The following ZFYVE9 variants were observed in gnomAD, a reference collection of about 807,000 sequenced individuals.
The protein encoded by ZFYVE9 is zinc finger FYVE-type containing 9, also known as zinc finger FYVE domain-containing protein 9.
A neutral mutation model predicts 126.7 loss-of-function variants in ZFYVE9; 43 were observed. That is an observed-to-expected ratio of 0.34 (90% CI 0.27 to 0.44). ZFYVE9 has a LOEUF of 0.44. Among genes scored for constraint, ZFYVE9 ranks in the 20% least tolerant of loss-of-function variants. The pLI, the probability that ZFYVE9 is intolerant of heterozygous loss-of-function variation, is 1.00. For missense variants in ZFYVE9, 1,476 were observed against 1,697.0 expected, an observed-to-expected ratio of 0.87 and a Z score of 2.29; for synonymous variants, 521 against 597.4, an observed-to-expected ratio of 0.87 and a Z score of 1.87.
chr1:52,201,465 C>T (rs1185414912), intron 1 of ZFYVE9, among the ~76,000 whole-genome samples: 1 of 150,852 alleles, frequency 6.6e-6, no homozygotes, highest in African/African-American at 2.4e-5. Flanking sequence ...CAAGCTCTGC[C>T]CCCTGGGTTC....
Position 52,337,801 on chromosome 1 carries a change from A to C in ZFYVE9, c.3700A>C (p.Asn1234His), listed in dbSNP as rs376782218. The C allele has an allele frequency of 6.2e-7, 1 of 1,614,096 alleles. No homozygotes were observed. The highest frequency in any genetic ancestry group is 8.5e-7 in the Non-Finnish European group (1 of 1,180,030). ...DGVMVQITAE[N>H]MDSLRQALRE... is the part of the protein sequence containing the mutation. ...TGTTATGGTCCAGATTACTGCAGAGAACATGGATTCCTTGAGGCAGGCACT... is the reference window on the plus strand; with the variant it reads ...TGTTATGGTCCAGATTACTGCAGAGCACATGGATTCCTTGAGGCAGGCACT... The change falls in exon 16 of 19, where the codon AAC (asparagine) becomes CAC (histidine). Residue 1234 changes from asparagine to histidine, a missense_variant. This residue lies in a region of ZFYVE9 where 669 missense variants were observed against 902.4 expected (regional missense o/e 0.74). Transcript: ENST00000287727.
At chr1:52,332,451 A>G (rs1220383709) in intron 13 of ZFYVE9, among the ~76,000 whole-genome samples, 1 of 151,726 alleles carries the variant, frequency 6.6e-6, no homozygotes, top group Non-Finnish European at 1.5e-5. Context: ...AATCCAGTAT[A>G]TAGGAGAAAC....
intron 1 of ZFYVE9, among the ~76,000 whole-genome samples, chr1:52,146,655 T>C (rs1644309076): frequency 6.6e-6 from 1 of 152,154 alleles, no homozygotes; most frequent in South Asian, 2.1e-4. Context: ...GACTCTGGAA[T>C]TGGAAAATAT....
Position 52,278,473 on chromosome 1 carries a change from T to C in ZFYVE9, c.2747-19T>C. The C allele has an allele frequency of 1.2e-6, 2 of 1,614,012 alleles. No individual in the cohort carries two copies. Among genetic ancestry groups the C allele is most frequent in the Admixed American group, 1.7e-5 (1 of 60,006 alleles). ...TTGTTCCTTTAACCAATCTATTACATTGTTTTCTCCCCTTTCAGACTATGC... is the reference window on the plus strand; with the variant it reads ...TTGTTCCTTTAACCAATCTATTACACTGTTTTCTCCCCTTTCAGACTATGC... On this transcript the variant is annotated intron_variant, in intron 8 of 18. Coordinates refer to ENST00000287727, the MANE Select transcript of ZFYVE9 (RefSeq NM_004799.4).
intron 1 of ZFYVE9, among the ~76,000 whole-genome samples, chr1:52,210,095 G>A (rs949876250): frequency 7.9e-5 from 12 of 152,114 alleles, no homozygotes; most frequent in Non-Finnish European, 1.3e-4. Flanking sequence ...CTTGATGTTC[G>A]ATTGAATGTA....
intron 12 of ZFYVE9, among the ~76,000 whole-genome samples, chr1:52,300,604 A>G (rs1398856501): frequency 6.7e-6 from 1 of 150,028 alleles, no homozygotes; most frequent in Admixed American, 6.7e-5. Flanking sequence ...AGAAAAAGAA[A>G]AAAAATCTTG....
chr1:52,292,380 T>C (rs781751935), intron 10 of ZFYVE9, among the ~76,000 whole-genome samples: 3 of 151,836 alleles, frequency 2.0e-5, no homozygotes, highest in Non-Finnish European at 4.4e-5. Flanking sequence ...ACTGTACTTA[T>C]TACCATAATT....
At chr1:52,331,630 T>C (rs1431121586) in intron 13 of ZFYVE9, among the ~76,000 whole-genome samples, 1 of 150,790 alleles carries the variant, frequency 6.6e-6, no homozygotes. Flanking sequence ...CAGGCACTTG[T>C]AGTCCCAGCT....
intron 1 of ZFYVE9, among the ~76,000 whole-genome samples, chr1:52,203,578 C>T (rs749864087): frequency 1.4e-5 from 2 of 138,540 alleles, no homozygotes; most frequent in Non-Finnish European, 3.1e-5. Context: ...GCTTGGTGTT[C>T]TCTGAACTTT....
At chr1:52,173,455 C>A (rs1356848483) in intron 1 of ZFYVE9, among the ~76,000 whole-genome samples, 5 of 152,050 alleles carry the variant, frequency 3.3e-5, no homozygotes, top group African/African-American at 9.7e-5. Context: ...ATATTGGTCT[C>A]TAATTCTCTT....
chr1:52,311,031 A>G (rs1646132449), intron 13 of ZFYVE9, among the ~76,000 whole-genome samples: 1 of 152,072 alleles, frequency 6.6e-6, no homozygotes, highest in African/African-American at 2.4e-5. Flanking sequence ...GTGCGCAGCT[A>G]ATTTTTAAAT....
intron 1 of ZFYVE9, chr1:52,162,295 T>A: frequency 7.7e-6 from 3 of 389,796 alleles, no homozygotes; most frequent in South Asian, 7.5e-5. Context: ...ATCTGTCATA[T>A]CCACGATGAT....
chr1:52,238,113 T>G lies in ZFYVE9; in HGVS notation c.696T>G (p.Thr232=). 1 of 1,614,102 alleles carries G rather than the reference T, an allele frequency of 6.2e-7. No homozygotes were observed. The highest frequency in any genetic ancestry group is 8.5e-7 in the Non-Finnish European group (1 of 1,179,966). The change falls in exon 4 of 19, where the codon ACT becomes ACG. Residue 232 remains threonine, a synonymous_variant. Coordinates refer to ENST00000287727, the MANE Select transcript of ZFYVE9 (RefSeq NM_004799.4). ...EGRSVNHLCP[T]SSDSLASVCS... ...GATCTGTTAACCATCTGTGTCCTACTTCATCTGATAGTCTAGCCAGTGTCT... is the reference window on the plus strand; with the variant it reads ...GATCTGTTAACCATCTGTGTCCTACGTCATCTGATAGTCTAGCCAGTGTCT...
At chr1:52,261,418 A>AT (rs1432089770) in intron 4 of ZFYVE9, among the ~76,000 whole-genome samples, 1 of 151,546 alleles carries the variant, frequency 6.6e-6, no homozygotes, top group African/African-American at 2.4e-5. Context: ...TTATTATTTG[A>AT]TTTTAGGTTA....
intron 3 of ZFYVE9, among the ~76,000 whole-genome samples, chr1:52,236,843 A>G (rs1645277424): frequency 6.6e-6 from 1 of 152,192 alleles, no homozygotes; most frequent in Non-Finnish European, 1.5e-5. Context: ...AAGAAGTATA[A>G]TAAACCCCAG....
At chr1:52,326,353 ATTGT>A (rs1472385316) in intron 13 of ZFYVE9, among the ~76,000 whole-genome samples, 1 of 152,126 alleles carries the variant, frequency 6.6e-6, no homozygotes, top group Non-Finnish European at 1.5e-5. Context: ...TATTTAACAA[ATTGT>A]TTGTTAAAAG....
Position 52,340,160 on chromosome 1 carries a change from A to C in ZFYVE9, c.3868A>C (p.Thr1290Pro). 1 of 1,613,824 alleles carries C rather than the reference A, an allele frequency of 6.2e-7. No individual in the cohort carries two copies. Among genetic ancestry groups the C allele is most frequent in the South Asian group, 1.1e-5 (1 of 91,064 alleles). Residue 1290 changes from threonine to proline, a missense_variant, in exon 17 of 19, where the codon ACT (threonine) becomes CCT (proline). Physicochemically the swap from Thr to Pro is conservative, Grantham distance 38. Around this residue, in one of 2 missense-constraint regions of ZFYVE9, gnomAD observed 669 missense variants for 902.4 expected, o/e 0.74. Coordinates refer to ENST00000287727, the MANE Select transcript of ZFYVE9 (RefSeq NM_004799.4). ...TCCTATAGATGGGAAGTCCATGGAG[A>C]CTATAACAAATGTGAAGATATTCCA... is the stretch of plus-strand genomic sequence containing the variant. ...VSPIDGKSME[T>P]ITNVKIFHGS...
intron 1 of ZFYVE9, among the ~76,000 whole-genome samples, chr1:52,183,705 C>T (rs890310997): frequency 6.6e-6 from 1 of 152,144 alleles, no homozygotes; most frequent in African/African-American, 2.4e-5. Flanking sequence ...AGGATTTCAC[C>T]ATGTTGCCCA....
At chr1:52,235,796 T>G (rs577743955) in intron 3 of ZFYVE9, among the ~76,000 whole-genome samples, 1 of 152,282 alleles carries the variant, frequency 6.6e-6, no homozygotes, top group Admixed American at 6.5e-5. Flanking sequence ...TCTTCTTGCC[T>G]TCATGAATTC....
Sources: gnomAD v4.1 joint callset for allele counts (sites outside exome capture counted in the v4.1 genomes callset) on GRCh38, gnomAD v4.1.1 for gene constraint, gnomAD v4.1.1 regional missense constraint, MANE v1.5 for transcripts, NCBI Gene and HGNC (gene_info 2026-07-23, HGNC 2026-07-21) for gene names.